ZNF133: variants seen among roughly 807,000 people sequenced by gnomAD.
The protein encoded by ZNF133 is zinc finger protein 133 (clone pHZ-13).
ZNF133 carries 26 observed loss-of-function variants against 54.9 expected under a neutral mutation model. The ratio of observed to expected loss-of-function variants is 0.47; its 90% confidence interval spans 0.35 to 0.66. ZNF133 has a LOEUF of 0.66. Ranked by LOEUF, ZNF133 falls within the 30% of genes least tolerant of loss-of-function variation. The pLI, the probability that ZNF133 is intolerant of heterozygous loss-of-function variation, is 0.01. For synonymous variants in ZNF133, 298 were observed against 320.3 expected (o/e 0.93, Z 0.74); for missense variants, 653 against 820.8 (o/e 0.80, Z 2.50).
At chr20:18,310,510 T>C (rs997118454) in intron 6 of ZNF133, among the ~76,000 whole-genome samples, 1 of 152,120 alleles carries the variant, frequency 6.6e-6, no homozygotes, top group Non-Finnish European at 1.5e-5. Context: ...TTATGTTAAG[T>C]GAAATGAGCC....
At chr20:18,298,181 C>G (rs905829355) in intron 2 of ZNF133, 108 bp from the exon 3 acceptor site, 10 of 1,518,326 alleles carry the variant, frequency 6.6e-6, no homozygotes, top group Non-Finnish European at 8.8e-6. Context: ...ACTTGCTCCC[C>G]TGCCTCAGCA....
At chr20:18,295,877 TG>T (rs1253142756) in intron 1 of ZNF133, among the ~76,000 whole-genome samples, 1 of 152,316 alleles carries the variant, frequency 6.6e-6, no homozygotes, top group African/African-American at 2.4e-5. Flanking sequence ...TTGCCCAGGC[TG>T]GATTTTTTTC....
At chr20:18,311,447 C>T (rs1434898785) in intron 6 of ZNF133, among the ~76,000 whole-genome samples, 3 of 152,006 alleles carry the variant, frequency 2.0e-5, no homozygotes, top group Non-Finnish European at 4.4e-5. Flanking sequence ...AGAAATACAC[C>T]AAGTTATAAT....
chr20:18,289,202 G>A (rs1462854598), intron 1 of ZNF133, among the ~76,000 whole-genome samples: 1 of 152,150 alleles, frequency 6.6e-6, no homozygotes, highest in Non-Finnish European at 1.5e-5. Flanking sequence ...TTTCACTTTG[G>A]TTGGTCACCC....
rs1418321144 is a variant in ZNF133, at chr20:18,306,444, G to A, written c.217+51G>A. 3.2e-6 allele frequency: 5 copies of A among 1,558,518 alleles called. No homozygotes were observed. The East Asian group carries it at 1.1e-4, about 35-fold the overall frequency. On this transcript the variant is annotated intron_variant, in intron 6 of 6. Transcript: ENST00000425686. ...GAGACATGAGCTCAGCAGCTCAGAGGACTGGGGGAGAGGAGGCGTTGCTCA... is the reference window on the plus strand; with the variant it reads ...GAGACATGAGCTCAGCAGCTCAGAGAACTGGGGGAGAGGAGGCGTTGCTCA...
At position 18,315,759 on chromosome 20, in the gene ZNF133, G is replaced by A; in HGVS notation, c.908G>A (p.Cys303Tyr). 6.2e-7 allele frequency: 1 copy of A among 1,614,226 alleles called. No homozygotes were observed. Among genetic ancestry groups the A allele is most frequent in the Non-Finnish European group, 8.5e-7 (1 of 1,180,028 alleles). The change falls in exon 7 of 7, where the codon TGT becomes TAT. Residue 303 changes from cysteine (C) to tyrosine (Y), a missense_variant. Transcript: ENST00000425686. The stretch of plus-strand genomic sequence containing the variant: ...GAGAAACCTTACATGTGCAGTGAGT[G>A]TGGGCGAGGCTTCAGCCAGAAGTCA... Reference protein sequence around the residue: ...SGEKPYMCSECGRGFSQKSNL... With the variant: ...SGEKPYMCSEYGRGFSQKSNL...
Position 18,315,716 on chromosome 20 carries a change from G to C in ZNF133, c.865G>C (p.Glu289Gln). The C allele has an allele frequency of 6.2e-7, 1 of 1,613,714 alleles. No homozygotes were observed. Among genetic ancestry groups the C allele is most frequent in the Non-Finnish European group, 8.5e-7 (1 of 1,179,854 alleles). ...CCGGAAGTCAACGCTAATCATACAC[G>C]AACGGACACACTCCGGTGAGAAACC... ...FNRKSTLIIH[E>Q]RTHSGEKPYM... The change falls in exon 7 of 7, where the codon GAA becomes CAA. Residue 289 changes from glutamate to glutamine, a missense_variant. Around this residue, in one of 4 missense-constraint regions of ZNF133, gnomAD observed 292 missense variants for 431.6 expected, o/e 0.68. Coordinates refer to ENST00000425686, the MANE Select transcript of ZNF133 (RefSeq NM_001352452.2).
chr20:18,291,803 C>G lies in ZNF133; in HGVS notation c.-432+3199C>G, dbSNP rs575683539. ...TCTCGGCTTACTGCAACCTCCACTG[C>G]CCATCTTCAAGTGATTCTCATGCCT... On this transcript the variant is annotated intron_variant, in intron 1 of 6. Transcript: ENST00000425686. 4.6e-5 allele frequency among the ~76,000 whole-genome samples: 7 copies of G among 151,930 alleles called. No homozygotes were observed. The East Asian group carries it at 1.4e-3, about 29-fold the overall frequency.
At chr20:18,289,563 T>C (rs2040438373) in intron 1 of ZNF133, among the ~76,000 whole-genome samples, 1 of 152,172 alleles carries the variant, frequency 6.6e-6, no homozygotes. Context: ...ACATTTCCTC[T>C]AGGCTCTGTC....
Position 18,299,968 on chromosome 20 carries a change from T to C in ZNF133, c.-178+1504T>C, listed in dbSNP as rs911762235. ...TTAACAAGAGTCTTTCAGGTTGAAA[T>C]AAAAGGACTTTAGACAGTTACATGA... On this transcript the variant is annotated intron_variant, in intron 3 of 6. Transcript: ENST00000425686. Among the ~76,000 whole-genome samples the C allele has an allele frequency of 2.0e-5, 3 of 152,264 alleles. No individual in the cohort carries two copies. In the South Asian group the frequency reaches 6.2e-4, roughly 32 times the overall value.
intron 1 of ZNF133, among the ~76,000 whole-genome samples, chr20:18,297,347 C>A (rs1366007107): frequency 6.6e-6 from 1 of 151,924 alleles, no homozygotes; most frequent in Non-Finnish European, 1.5e-5. Flanking sequence ...TGATTTCTTT[C>A]AAAAGTTTGT....
intron 3 of ZNF133, among the ~76,000 whole-genome samples, chr20:18,299,866 A>C (rs1310590954): frequency 6.6e-6 from 1 of 152,220 alleles, no homozygotes; most frequent in African/African-American, 2.4e-5. Context: ...ACTGCCCTTC[A>C]TTACTGAGGC....
chr20:18,290,427 T>C (rs1373002605), intron 1 of ZNF133, among the ~76,000 whole-genome samples: 2 of 152,202 alleles, frequency 1.3e-5, no homozygotes, highest in Admixed American at 6.5e-5. Context: ...ATCCCAGTTA[T>C]ATCATTTCAC....
chr20:18,310,338 C>G (rs1320679227), intron 6 of ZNF133: 2 of 1,521,266 alleles, frequency 1.3e-6, no homozygotes, highest in Non-Finnish European at 1.8e-6. Context: ...TTTCATTATT[C>G]TATATTTGGG....
In ZNF133 at chr20:18,305,029, G is replaced by C. The variant is rs1340412272; in HGVS notation, c.-156G>C. On this transcript the variant is annotated 5_prime_UTR_variant, in exon 4 of 7. Transcript: ENST00000425686. This position sits in a 1 kb window ranked among gnomAD's most constrained non-coding sequence, Gnocchi z 4.7. ...CCAGTGTGTCCTCCATTTGGAAGTAGTGCTAAGAAAATTAAAAGAATAAAA... is the reference window on the plus strand; with the variant it reads ...CCAGTGTGTCCTCCATTTGGAAGTACTGCTAAGAAAATTAAAAGAATAAAA... 2.4e-5 allele frequency: 24 copies of C among 985,310 alleles called. No homozygotes were observed. The highest frequency in any genetic ancestry group is 2.9e-5 in the Non-Finnish European group (24 of 829,980). The allele number at this position is 985,310 out of a possible 1,614,324, so 61.0% of individuals were successfully genotyped here.
intron 6 of ZNF133, among the ~76,000 whole-genome samples, chr20:18,308,871 A>C (rs2045256191): frequency 6.6e-6 from 1 of 152,244 alleles, no homozygotes; most frequent in Non-Finnish European, 1.5e-5. Context: ...AAGGAAGGTC[A>C]GGGCAAAGGA....
chr20:18,301,480 T>G (rs2043346040), intron 3 of ZNF133, among the ~76,000 whole-genome samples: 1 of 152,184 alleles, frequency 6.6e-6, no homozygotes, highest in Admixed American at 6.5e-5. Context: ...AAACTTAAAG[T>G]TGGTTCTTTG....
intron 1 of ZNF133, among the ~76,000 whole-genome samples, chr20:18,292,104 T>C (rs1286265260): frequency 6.6e-6 from 1 of 152,168 alleles, no homozygotes; most frequent in East Asian, 1.9e-4. Context: ...CTCCGACAGT[T>C]TCCATGCCCT....
chr20:18,298,956 AAAAACAAAAC>A (rs542025406), intron 3 of ZNF133, among the ~76,000 whole-genome samples: 5 of 152,174 alleles, frequency 3.3e-5, no homozygotes, highest in Admixed American at 1.3e-4. Flanking sequence ...CATCAATATT[AAAAACAAAAC>A]AAAACAAAAC....
Sources: allele counts gnomAD v4.1 joint callset (sites outside exome capture counted in the v4.1 genomes callset), GRCh38; gene constraint gnomAD v4.1.1; regional missense constraint gnomAD v4.1.1; non-coding constraint Gnocchi (gnomAD v3.1); transcripts MANE v1.5; gene names NCBI Gene and HGNC (gene_info 2026-07-23, HGNC 2026-07-21).